WDPCP: variants seen among roughly 807,000 people sequenced by gnomAD.
The protein encoded by WDPCP is WD repeat containing planar cell polarity effector, also known as WD repeat-containing and planar cell polarity effector protein fritz homolog.
Under a neutral mutation model 93.1 loss-of-function variants are expected in WDPCP, and 71 were observed. The ratio of observed to expected loss-of-function variants is 0.76; its 90% confidence interval spans 0.63 to 0.93. The LOEUF is 0.93. WDPCP is among the 40% of genes least tolerant of loss of function. The pLI is 0.00. For missense variants in WDPCP, 844 were observed against 887.4 expected (o/e 0.95, Z 0.62); for synonymous variants, 315 against 315.0 (o/e 1.00, Z 0.00).
At chr2:63,300,407 C>T (rs1272906617) in intron 13 of WDPCP, among the ~76,000 whole-genome samples, 2 of 152,130 alleles carry the variant, frequency 1.3e-5, no homozygotes, top group Non-Finnish European at 2.9e-5. Flanking sequence ...GGCTCTCAGC[C>T]TCCATTTTAG....
chr2:63,198,040 G>A (rs1284032771), intron 14 of WDPCP, among the ~76,000 whole-genome samples: 3 of 152,116 alleles, frequency 2.0e-5, no homozygotes, highest in African/African-American at 7.2e-5. Context: ...GGTTATACCA[G>A]AGTTGACCTT....
intron 14 of WDPCP, among the ~76,000 whole-genome samples, chr2:63,220,076 C>T (rs532756595): frequency 1.3e-5 from 2 of 152,206 alleles, no homozygotes; most frequent in African/African-American, 4.8e-5. Flanking sequence ...ACATTGACTG[C>T]ACCTCCTTCT....
chr2:63,684,368 C>A, intron 2 of WDPCP: 1 of 711,212 alleles, frequency 1.4e-6, no homozygotes, highest in Non-Finnish European at 2.6e-6. Flanking sequence ...ACTCTGGACG[C>A]AAAGCCATCA....
intron 6 of WDPCP, among the ~76,000 whole-genome samples, chr2:63,462,548 T>C (rs891626376): frequency 1.3e-5 from 2 of 152,056 alleles, no homozygotes; most frequent in Non-Finnish European, 2.9e-5. Flanking sequence ...CTGACTACTA[T>C]GTGGAGAGCA....
Position 63,485,005 on chromosome 2 carries a change from T to C in WDPCP, c.254-18A>G. 1.2e-6 allele frequency: 2 copies of C among 1,612,168 alleles called. No individual in the cohort carries two copies. Among genetic ancestry groups the C allele is most frequent in the East Asian group, 2.2e-5 (1 of 44,838 alleles). On this transcript the variant is annotated intron_variant, in intron 4 of 17. Transcript: ENST00000272321. Reference sequence around the variant, plus strand: ...ATCTCGTGCTGGCAAATAAAACATGTACTACAGTTAGTTAAACAAGATTTA... The same window carrying C: ...ATCTCGTGCTGGCAAATAAAACATGCACTACAGTTAGTTAAACAAGATTTA...
At chr2:63,339,123 A>AT (rs111586766) in intron 12 of WDPCP, among the ~76,000 whole-genome samples, 40 of 150,520 alleles carry the variant, frequency 2.7e-4, no homozygotes, top group South Asian at 8.5e-4. Context: ...TAGGTACTTA[A>AT]TTTTTTTTTG....
At chr2:63,510,032 A>G (rs955450599) in intron 1 of WDPCP, among the ~76,000 whole-genome samples, 3 of 152,174 alleles carry the variant, frequency 2.0e-5, no homozygotes, top group Non-Finnish European at 4.4e-5. Context: ...TTCCTTCTGA[A>G]ACTATTCCAA....
At chr2:63,325,267 G>T (rs752446350) in intron 12 of WDPCP, among the ~76,000 whole-genome samples, 60 of 151,996 alleles carry the variant, frequency 3.9e-4, no homozygotes, top group Admixed American at 7.9e-4. Context: ...TGGTTTACAA[G>T]GACACTTTAA....
chr2:63,578,867 T>C (rs561496971), intron 1 of WDPCP, among the ~76,000 whole-genome samples: 30 of 152,320 alleles, frequency 2.0e-4, no homozygotes, highest in African/African-American at 7.2e-4. Context: ...TCACTTATTC[T>C]TAATGAGGCT....
rs1249273087 is a variant in WDPCP, at chr2:63,121,164, A to G, written c.*842T>C. 6.6e-6 allele frequency among the ~76,000 whole-genome samples: 1 copy of G among 152,116 alleles called. No homozygotes were observed. Among genetic ancestry groups the G allele is most frequent in the African/African-American group, 2.4e-5 (1 of 41,436 alleles). Reference sequence around the variant, plus strand: ...ACTCAAATCTCATATAAAAGTTGATAAGCATGCCTGCCCCTTTCTCCAGAG... The same window carrying G: ...ACTCAAATCTCATATAAAAGTTGATGAGCATGCCTGCCCCTTTCTCCAGAG... On this transcript the variant is annotated 3_prime_UTR_variant, in exon 18 of 18. Transcript: ENST00000272321.
intron 13 of WDPCP, among the ~76,000 whole-genome samples, chr2:63,297,929 A>G (rs1191334998): frequency 6.6e-6 from 1 of 152,196 alleles, no homozygotes; most frequent in African/African-American, 2.4e-5. Context: ...GATTGGTATC[A>G]TTAATGGCTG....
chr2:63,202,376 A>G (rs1001232965), intron 14 of WDPCP, among the ~76,000 whole-genome samples: 6 of 152,154 alleles, frequency 3.9e-5, no homozygotes, highest in African/African-American at 1.4e-4. Context: ...TTGTTGCCTA[A>G]GATATGGCCA....
intron 1 of WDPCP, among the ~76,000 whole-genome samples, chr2:63,531,193 C>T (rs1377400962): frequency 6.6e-6 from 1 of 152,218 alleles, no homozygotes; most frequent in Non-Finnish European, 1.5e-5. Context: ...AGCCCAGAAG[C>T]TTGAACTGGG....
intron 6 of WDPCP, among the ~76,000 whole-genome samples, chr2:63,471,249 T>C (rs913201475): frequency 1.6e-4 from 25 of 152,212 alleles, no homozygotes; most frequent in African/African-American, 5.5e-4. Flanking sequence ...ACTAAATAAA[T>C]ATGCATTGAG....
chr2:63,594,232 T>TA (rs1356132829), intron 3 of WDPCP: 2 of 567,716 alleles, frequency 3.5e-6, no homozygotes, highest in Non-Finnish European at 6.8e-6. Context: ...ATTTTAGTGG[T>TA]AAAATATCCC....
chr2:63,805,980 C>T (rs1445388130), intron 2 of WDPCP, among the ~76,000 whole-genome samples: 2 of 151,992 alleles, frequency 1.3e-5, no homozygotes, highest in Admixed American at 6.6e-5. Context: ...ATTAGCCAGG[C>T]GTGGTGGTGA....
At chr2:63,627,000 T>C (rs1199669898) in intron 3 of WDPCP, among the ~76,000 whole-genome samples, 2 of 149,326 alleles carry the variant, frequency 1.3e-5, no homozygotes, top group South Asian at 4.2e-4. Flanking sequence ...CCCAAGAGAA[T>C]AAAATATATA....
rs981488042 is a variant in WDPCP, at chr2:63,237,155, A to T, written c.1915+22152T>A. ...TCATTAAGAAAAAAAAAATAACCCC[A>T]TTAAAAAGTGGGCAAAGGACATGAA... is the stretch of plus-strand genomic sequence containing the variant. On this transcript the variant is annotated intron_variant, in intron 14 of 17. Coordinates refer to ENST00000272321, the MANE Select transcript of WDPCP (RefSeq NM_015910.7). Among the ~76,000 whole-genome samples the T allele has an allele frequency of 1.4e-4, 21 of 152,116 alleles. 1 individual carries two copies. Among genetic ancestry groups the T allele is most frequent in the Admixed American group, 1.1e-3 (17 of 15,254 alleles).
chr2:63,461,788 C>T (rs530755721), intron 6 of WDPCP, among the ~76,000 whole-genome samples: 1 of 152,338 alleles, frequency 6.6e-6, no homozygotes, highest in African/African-American at 2.4e-5. Context: ...TAAAAGTCTT[C>T]TTCTCATCCC....
Sources: gnomAD v4.1 joint callset for allele counts (sites outside exome capture counted in the v4.1 genomes callset) on GRCh38, gnomAD v4.1.1 for gene constraint, MANE v1.5 for transcripts, NCBI Gene and HGNC (gene_info 2026-07-23, HGNC 2026-07-21) for gene names.